LRP2: variants seen among roughly 807,000 people sequenced by gnomAD.
LRP2 encodes LDL receptor related protein 2.
In LRP2, 172 loss-of-function variants were observed where a neutral mutation model predicts 531.0. The ratio of observed to expected loss-of-function variants is 0.32; its 90% CI spans 0.29 to 0.37. LRP2 has a LOEUF of 0.37. Ranked by LOEUF, LRP2 falls within the 10% of genes least tolerant of loss-of-function variation. The pLI is 1.00. For missense variants in LRP2, 5,167 were observed against 5,868.3 expected (o/e 0.88, Z 3.90); for synonymous variants, 1,992 against 2,027.6 (o/e 0.98, Z 0.47).
At chr2:169,227,641 A>T (rs1689250845) in intron 31 of LRP2, among the ~76,000 whole-genome samples, 1 of 152,194 alleles carries the variant, frequency 6.6e-6, no homozygotes, top group African/African-American at 2.4e-5. Flanking sequence ...TATTTTTATA[A>T]TCCGGGAAGC....
At chr2:169,139,496 T>A in intron 73 of LRP2, 47 bp downstream of exon 73, 1 of 1,611,418 alleles carries the variant, frequency 6.2e-7, no homozygotes, top group Non-Finnish European at 8.5e-7. Context: ...GCATTCAATG[T>A]AGGGGCCATG....
rs1574051994 is a variant in LRP2, at chr2:169,127,302, A to G, written c.*1361T>C. ...TCCATCCATTCATTCATTGTTTAAC[A>G]AATGTGCAATATTAGCACAGAGAGT... On this transcript the variant is annotated 3_prime_UTR_variant, in exon 79 of 79. Transcript: ENST00000649046. 1 of 152,450 alleles carries G rather than the reference A, an allele frequency of 6.6e-6. No homozygotes were observed. The highest frequency in any genetic ancestry group is 2.4e-5 in the African/African-American group (1 of 41,434). 9.4% of individuals were successfully genotyped at this position (152,450 alleles called of 1,614,324 possible). A position where few individuals can be genotyped will look rare whatever the true frequency, so the allele number is the denominator to read the frequency against.
chr2:169,274,909 AC>A, intron 14 of LRP2, 126 bp downstream of exon 14: 23 of 873,038 alleles, frequency 2.6e-5, no homozygotes, highest in Middle Eastern at 3.3e-4. Flanking sequence ...ACTCTGGGTA[AC>A]CCTTCATATA....
chr2:169,160,685 A>AAAACAAAAAAAACAAAAAAAAC (rs1558986503), intron 63 of LRP2, among the ~76,000 whole-genome samples: 4 of 94,234 alleles, frequency 4.2e-5, no homozygotes, highest in African/African-American at 1.8e-4. Context: ...ATTTCCTTAA[A>AAAACAAAAAAAACAAAAAAAAC]AAAAAAAAAA....
chr2:169,187,891 A>G, intron 49 of LRP2, 79 bp downstream of exon 49: 1 of 1,458,882 alleles, frequency 6.9e-7, no homozygotes, highest in South Asian at 1.1e-5. Context: ...GACAGGTTGG[A>G]AAGTCTAAGT....
At position 169,168,548 on chromosome 2, in the gene LRP2, G is replaced by A; in HGVS notation, c.11626C>T (p.His3876Tyr). The change falls in exon 61 of 79, where the codon CAC becomes TAC. Residue 3876 changes from histidine (H) to tyrosine (Y), a missense_variant. By Grantham distance (83) the His-to-Tyr change is moderately conservative. Transcript: ENST00000649046. ...DCGDGSDEEL[H>Y]LCLDVPCNSP... ...TTTCTCTCCCTCTTACAGCACAGGT[G>A]AAGTTCTTCATCTGAACCATCGCCA... 6.2e-7 allele frequency: 1 copy of A among 1,614,088 alleles called. No individual in the cohort carries two copies.
chr2:169,201,880 G>A lies in LRP2; in HGVS notation c.8210-10C>T. 6.2e-7 allele frequency: 1 copy of A among 1,613,862 alleles called. No homozygotes were observed. Among genetic ancestry groups the A allele is most frequent in the Non-Finnish European group, 8.5e-7 (1 of 1,179,972 alleles). ...GAGCAGGTGTGAAGTGCTAAGAACA[G>A]GAAAAACATGAGAACAAACCCTCTT... On this transcript the variant is annotated splice_polypyrimidine_tract_variant and intron_variant, in intron 43 of 78. Coordinates refer to ENST00000649046, the MANE Select transcript of LRP2 (RefSeq NM_004525.3).
chr2:169,203,541 C>T (rs1688271588), intron 42 of LRP2, among the ~76,000 whole-genome samples: 1 of 152,144 alleles, frequency 6.6e-6, no homozygotes, highest in South Asian at 2.1e-4. Flanking sequence ...TGGGCAATCT[C>T]TTGAGGCCAA....
At chr2:169,187,677 G>T (rs1687680425) in intron 49 of LRP2, among the ~76,000 whole-genome samples, 1 of 152,168 alleles carries the variant, frequency 6.6e-6, no homozygotes, top group Admixed American at 6.5e-5. Flanking sequence ...GAATCAACCT[G>T]GTTCCCTTCA....
intron 45 of LRP2, among the ~76,000 whole-genome samples, chr2:169,197,670 G>T (rs16856593): frequency 6.6e-6 from 1 of 152,146 alleles, no homozygotes; most frequent in African/African-American, 2.4e-5. Context: ...CTATAAGGCC[G>T]TTTTGCTTTG....
At chr2:169,344,708 G>A (rs1405376717) in intron 1 of LRP2, among the ~76,000 whole-genome samples, 1 of 152,174 alleles carries the variant, frequency 6.6e-6, no homozygotes, top group Admixed American at 6.6e-5. Flanking sequence ...GACATTAAGT[G>A]ACTTAATAAT....
Position 169,207,125 on chromosome 2 carries a change from G to C in LRP2, c.6595C>G (p.Pro2199Ala), listed in dbSNP as rs774834319. The C allele has an allele frequency of 6.2e-7, 1 of 1,612,226 alleles. No homozygotes were observed. Among genetic ancestry groups the C allele is most frequent in the South Asian group, 1.1e-5 (1 of 90,778 alleles). Residue 2199 changes from proline (P) to alanine (A), a missense_variant, in exon 39 of 79, where the codon CCC (proline) becomes GCC (alanine). This residue lies in a region of LRP2 where 2,811 missense variants were observed against 3,058.0 expected (regional missense o/e 0.92). Transcript: ENST00000649046. ...GCCCAGAAGAGGTATCTGTTCTTGGGATCTACAACAATATGCCTAGGCATG... is the reference window on the plus strand; with the variant it reads ...GCCCAGAAGAGGTATCTGTTCTTGGCATCTACAACAATATGCCTAGGCATG... ...VDMPRHIVVD[P>A]KNRYLFWADY...
chr2:169,162,485 A>G lies in LRP2; in HGVS notation c.11874T>C (p.Asp3958=). Residue 3958 remains aspartate, a synonymous_variant, in exon 63 of 79, where the codon GAT becomes GAC. Transcript: ENST00000649046. ...GTGTTTACTTACTGCAACCCAGTTCATCGGACCAGTCACCACAGTCATCGG... is the reference window on the plus strand; with the variant it reads ...GTGTTTACTTACTGCAACCCAGTTCGTCGGACCAGTCACCACAGTCATCGG... The part of the protein sequence containing the change: ...DDADDCGDWS[D]ELGCNKGKER... 7 of 1,614,200 alleles carry G rather than the reference A, an allele frequency of 4.3e-6. No individual in the cohort carries two copies. Among genetic ancestry groups the G allele is most frequent in the Non-Finnish European group, 5.9e-6 (7 of 1,180,022 alleles).
intron 48 of LRP2, among the ~76,000 whole-genome samples, chr2:169,189,363 T>C (rs1687751711): frequency 6.6e-6 from 1 of 152,278 alleles, no homozygotes; most frequent in South Asian, 2.1e-4. Context: ...GTGCATGTAA[T>C]TGTGAAGAAA....
intron 75 of LRP2, 66 bp downstream of exon 75, chr2:169,138,511 T>A (rs569673027): frequency 6.4e-7 from 1 of 1,566,900 alleles, no homozygotes; most frequent in South Asian, 1.1e-5. Flanking sequence ...TGAATTTTGT[T>A]CTTTATAAAA....
Position 169,137,453 on chromosome 2 carries a change from A to T in LRP2, c.13559T>A (p.Ile4520Lys). Residue 4520 changes from isoleucine to lysine, a missense_variant, in exon 76 of 79, where the codon ATA becomes AAA. Ile to Lys is a moderately radical substitution (Grantham distance 102). Coordinates refer to ENST00000649046, the MANE Select transcript of LRP2 (RefSeq NM_004525.3). ...GGCTGAGTACATTGGGTTTTCAAAT[A>T]TTATGGGCTGCTTCCCCATTTCCAT... is the stretch of plus-strand genomic sequence containing the variant. ...FVMEMGKQPI[I>K]FENPMYSARD... 6.2e-7 allele frequency: 1 copy of T among 1,614,038 alleles called. No homozygotes were observed. The highest frequency in any genetic ancestry group is 8.5e-7 in the Non-Finnish European group (1 of 1,179,920).
intron 8 of LRP2, among the ~76,000 whole-genome samples, chr2:169,289,693 G>C (rs1683951523): frequency 6.6e-6 from 1 of 152,066 alleles, no homozygotes; most frequent in Admixed American, 6.6e-5. Flanking sequence ...TAGTAAAAAG[G>C]GCTAAGAACT....
At position 169,241,337 on chromosome 2, in the gene LRP2, T is replaced by G; in HGVS notation, c.3696A>C (p.Ser1232=). The G allele has an allele frequency of 6.2e-7, 1 of 1,614,208 alleles. No homozygotes were observed. Among genetic ancestry groups the G allele is most frequent in the Non-Finnish European group, 8.5e-7 (1 of 1,180,040 alleles). The change falls in exon 25 of 79, where the codon TCA becomes TCC. Residue 1232 remains serine (S), a synonymous_variant. Transcript: ENST00000649046. ...CATCTTCTTGGCACTGAAATTCATCTGAGTGGCACATACCAGGAGGCCTGG... is the reference window on the plus strand; with the variant it reads ...CATCTTCTTGGCACTGAAATTCATCGGAGTGGCACATACCAGGAGGCCTGG... ...CPTRPPGMCH[S]DEFQCQEDGI...
Position 169,212,119 on chromosome 2 carries a change from G to A in LRP2, c.6129C>T (p.Cys2043=), listed in dbSNP as rs111909155. 2.5e-5 allele frequency: 40 copies of A among 1,613,856 alleles called. No individual in the cohort carries two copies. The highest frequency in any genetic ancestry group is 1.3e-4 in the South Asian group (12 of 91,078). ...TGAGTTTAAATCCAGTGGCACAGGC[G>A]CAGGAAAACAATCCTCCTGGTACAG... ...CLPVPGGLFS[C]ACATGFKLNP... Residue 2043 remains cysteine, a synonymous_variant, in exon 37 of 79, where the codon TGC becomes TGT. Coordinates refer to ENST00000649046, the MANE Select transcript of LRP2 (RefSeq NM_004525.3).
Sources: allele counts gnomAD v4.1 joint callset (sites outside exome capture counted in the v4.1 genomes callset), GRCh38; gene constraint gnomAD v4.1.1; regional missense constraint gnomAD v4.1.1; transcripts MANE v1.5; gene names NCBI Gene and HGNC (gene_info 2026-07-23, HGNC 2026-07-21).